Variants in WWOX observed in about 807,000 individuals in gnomAD.
WWOX encodes the protein WW domain-containing oxidoreductase.
In WWOX, 69 loss-of-function variants were observed where a neutral mutation model predicts 46.2. That is an observed-to-expected ratio of 1.49 (90% confidence interval 1.23 to 1.82). The LOEUF (loss-of-function observed/expected upper bound fraction) is 1.82. WWOX is among the 40% of genes most tolerant of loss of function. The pLI is 0.00. For missense variants in WWOX, 919 were observed against 542.6 expected, an observed-to-expected ratio of 1.69 and a Z score of -6.89; for synonymous variants, 359 against 202.6, an observed-to-expected ratio of 1.77 and a Z score of -6.56.
chr16:78,869,948 C>G (rs1014864022), intron 8 of WWOX, among the ~76,000 whole-genome samples: 2 of 152,138 alleles, frequency 1.3e-5, no homozygotes, highest in African/African-American at 4.8e-5. Flanking sequence ...CCTTGGGAGT[C>G]TATGTTTATG....
intron 5 of WWOX, among the ~76,000 whole-genome samples, chr16:78,377,858 G>T (rs1262700931): frequency 3.3e-5 from 5 of 152,108 alleles, no homozygotes; most frequent in African/African-American, 1.2e-4. Context: ...AATAGACTTA[G>T]AATTACCTAT....
chr16:78,766,859 C>G (rs1373985099), intron 8 of WWOX, among the ~76,000 whole-genome samples: 1 of 152,074 alleles, frequency 6.6e-6, no homozygotes, highest in Non-Finnish European at 1.5e-5. Flanking sequence ...TAAATATATT[C>G]ACAATGTTGT....
chr16:79,153,852 C>T (rs1253572663), intron 8 of WWOX, among the ~76,000 whole-genome samples: 1 of 152,116 alleles, frequency 6.6e-6, no homozygotes, highest in African/African-American at 2.4e-5. Context: ...TTGTAACCTA[C>T]ACTCAAAAGA....
At chr16:78,677,581 A>C (rs11862360) in intron 8 of WWOX, among the ~76,000 whole-genome samples, 22,749 of 152,202 alleles carry the variant, frequency 0.15, 1,701 homozygotes, top group South Asian at 0.22. Context: ...TGCAACCCCC[A>C]AAACTCCATG....
intron 7 of WWOX, among the ~76,000 whole-genome samples, chr16:78,428,280 G>A (rs1270042441): frequency 2.0e-5 from 3 of 152,218 alleles, no homozygotes; most frequent in South Asian, 2.1e-4. Flanking sequence ...CATCTAAAGA[G>A]TTGTTTTACT....
intron 8 of WWOX, among the ~76,000 whole-genome samples, chr16:78,658,288 G>A (rs1029850298): frequency 1.3e-5 from 2 of 152,162 alleles, no homozygotes; most frequent in African/African-American, 4.8e-5. Flanking sequence ...GAACAAGAAA[G>A]TATTAATAAG....
At chr16:78,324,856 G>A (rs1466319316) in intron 5 of WWOX, among the ~76,000 whole-genome samples, 1 of 152,114 alleles carries the variant, frequency 6.6e-6, no homozygotes, top group Non-Finnish European at 1.5e-5. Context: ...TGTGTTGGTT[G>A]CACAACTCTA....
chr16:78,967,122 T>C lies in WWOX; in HGVS notation c.1057-244486T>C, dbSNP rs562955669. Among the ~76,000 whole-genome samples, 22 of 152,170 alleles carry C rather than the reference T, an allele frequency of 1.4e-4. No homozygotes were observed. The South Asian group carries it at 2.3e-3, about 16-fold the overall frequency. ...GCATCTGTCCCTGGGTTATCTGATATGTGTTTCAGCCTGTTTTCCCAAGTT... is the reference window on the plus strand; with the variant it reads ...GCATCTGTCCCTGGGTTATCTGATACGTGTTTCAGCCTGTTTTCCCAAGTT... On this transcript the variant is annotated intron_variant, in intron 8 of 8. Transcript: ENST00000566780.
chr16:78,446,775 C>A (rs981591716), intron 8 of WWOX, among the ~76,000 whole-genome samples: 7 of 149,438 alleles, frequency 4.7e-5, no homozygotes, highest in Admixed American at 2.7e-4. Flanking sequence ...ATTCTCCAGT[C>A]TCAGCCTCCT....
chr16:78,540,741 C>T (rs749149301), intron 8 of WWOX, among the ~76,000 whole-genome samples: 4 of 151,996 alleles, frequency 2.6e-5, no homozygotes, highest in Non-Finnish European at 5.9e-5. Flanking sequence ...GGCTGCAGTG[C>T]AGTGACATGA....
intron 8 of WWOX, among the ~76,000 whole-genome samples, chr16:78,611,839 G>C (rs1178629154): frequency 6.6e-6 from 1 of 152,168 alleles, no homozygotes; most frequent in Non-Finnish European, 1.5e-5. Context: ...GAGACCAAAG[G>C]ATCTTAAAGT....
chr16:78,778,880 G>C (rs1241000012), intron 8 of WWOX, among the ~76,000 whole-genome samples: 3 of 152,156 alleles, frequency 2.0e-5, no homozygotes, highest in African/African-American at 7.2e-5. Flanking sequence ...TGACCCAGCA[G>C]TGTTCATTTT....
At chr16:79,148,782 C>T (rs565936160) in intron 8 of WWOX, among the ~76,000 whole-genome samples, 4 of 135,354 alleles carry the variant, frequency 3.0e-5, no homozygotes, top group African/African-American at 5.5e-5. Context: ...TTCTTTGGAG[C>T]GATTGTAAAT....
chr16:78,828,428 C>T (rs925992469), intron 8 of WWOX, among the ~76,000 whole-genome samples: 12 of 152,116 alleles, frequency 7.9e-5, no homozygotes, highest in African/African-American at 2.7e-4. Flanking sequence ...CTACCACCAT[C>T]GTCACCATCA....
At chr16:79,086,112 C>G (rs1415976121) in intron 8 of WWOX, among the ~76,000 whole-genome samples, 2 of 151,888 alleles carry the variant, frequency 1.3e-5, no homozygotes, top group African/African-American at 2.4e-5. Context: ...AGAAAACAAA[C>G]TAACAGTCAA....
chr16:78,455,550 C>A (rs967576814), intron 8 of WWOX, among the ~76,000 whole-genome samples: 1 of 141,032 alleles, frequency 7.1e-6, no homozygotes, highest in African/African-American at 2.7e-5. Flanking sequence ...TGCTGAGGCA[C>A]GAGAATTGCT....
At position 78,221,543 on chromosome 16, in the gene WWOX, A is replaced by G. The variant is rs539247177; in HGVS notation, c.516+57254A>G. 5.3e-5 allele frequency among the ~76,000 whole-genome samples: 8 copies of G among 152,308 alleles called. No individual in the cohort carries two copies. The East Asian group carries it at 1.5e-3, about 29-fold the overall frequency. On this transcript the variant is annotated intron_variant, in intron 5 of 8. Transcript: ENST00000566780. ...AAGGTCTTGTCTTTCCTCAGAAGGC[A>G]TTGTGAGCAAAATAAGGGAAGAAAA... is the stretch of plus-strand genomic sequence containing the variant.
At chr16:78,427,616 T>A (rs374313412) in intron 7 of WWOX, among the ~76,000 whole-genome samples, 70 of 151,924 alleles carry the variant, frequency 4.6e-4, no homozygotes, top group African/African-American at 1.3e-3. Context: ...GCGGGAATTT[T>A]AAAAATCCTC....
chr16:78,922,334 A>G (rs2045397852), intron 8 of WWOX, among the ~76,000 whole-genome samples: 1 of 152,066 alleles, frequency 6.6e-6, no homozygotes, highest in Non-Finnish European at 1.5e-5. Flanking sequence ...GCCCAAGCAA[A>G]CAAAGACTCT....
Sources: gnomAD v4.1 joint callset for allele counts (sites outside exome capture counted in the v4.1 genomes callset) on GRCh38, gnomAD v4.1.1 for gene constraint, MANE v1.5 for transcripts, NCBI Gene and HGNC (gene_info 2026-07-23, HGNC 2026-07-21) for gene names.